PLD5: variants seen among roughly 807,000 people sequenced by gnomAD.
The protein encoded by PLD5 is phospholipase D family member 5.
PLD5 carries 36 observed loss-of-function variants against 61.1 expected under a neutral mutation model. That is an observed-to-expected ratio of 0.59 (90% CI 0.45 to 0.78). The LOEUF is 0.78. PLD5 is among the 30% of genes least tolerant of loss of function. The pLI, the probability that PLD5 is intolerant of heterozygous loss-of-function variation, is 0.00. For synonymous variants in PLD5, 243 were observed against 242.8 expected (o/e 1.00, Z -0.01); for missense variants, 515 against 644.4 (o/e 0.80, Z 2.17).
At chr1:242,405,357 C>T (rs776312866) in intron 1 of PLD5, among the ~76,000 whole-genome samples, 10 of 152,212 alleles carry the variant, frequency 6.6e-5, no homozygotes, top group Non-Finnish European at 1.2e-4. Flanking sequence ...TAACAACTGT[C>T]GGAGGTAGCG....
At chr1:242,322,158 C>T (rs1412757016) in intron 2 of PLD5, among the ~76,000 whole-genome samples, 2 of 152,148 alleles carry the variant, frequency 1.3e-5, no homozygotes, top group African/African-American at 4.8e-5. Flanking sequence ...AGAGCCGGGG[C>T]TTCACAGCTT....
chr1:242,365,795 G>A (rs573321254), intron 1 of PLD5: 3 of 184,858 alleles, frequency 1.6e-5, no homozygotes, highest in South Asian at 2.3e-4. Context: ...TATATCAAGC[G>A]CACCATGGGC....
intron 1 of PLD5, among the ~76,000 whole-genome samples, chr1:242,416,864 G>A (rs1216602162): frequency 6.6e-6 from 1 of 152,174 alleles, no homozygotes; most frequent in African/African-American, 2.4e-5. Flanking sequence ...CAACTCTGAT[G>A]CCAATGCAGC....
intron 1 of PLD5, among the ~76,000 whole-genome samples, chr1:242,490,749 C>T (rs1668122117): frequency 6.6e-6 from 1 of 152,140 alleles, no homozygotes; most frequent in Non-Finnish European, 1.5e-5. Context: ...CTCTTTAATA[C>T]TGTGTAGAGA....
intron 1 of PLD5, among the ~76,000 whole-genome samples, chr1:242,394,916 G>GAATA (rs200953886): frequency 1.5e-5 from 1 of 67,482 alleles, no homozygotes. Flanking sequence ...GAATATATAT[G>GAATA]TATATATGTA....
At chr1:242,254,639 C>T (rs1672915848) in intron 4 of PLD5, among the ~76,000 whole-genome samples, 1 of 152,102 alleles carries the variant, frequency 6.6e-6, no homozygotes, top group Admixed American at 6.5e-5. Flanking sequence ...CATTGCCCTC[C>T]AGCCTGGGCA....
intron 2 of PLD5, among the ~76,000 whole-genome samples, chr1:242,326,259 G>A (rs1156776839): frequency 1.3e-5 from 2 of 152,020 alleles, no homozygotes; most frequent in East Asian, 3.9e-4. Flanking sequence ...GGCTTTGACT[G>A]GTTTCTGAAA....
At chr1:242,141,392 C>A (rs934622) in intron 5 of PLD5, among the ~76,000 whole-genome samples, 53,926 of 145,132 alleles carry the variant, frequency 0.37, 9,847 homozygotes, top group African/African-American at 0.42. Flanking sequence ...CTCCTTGTCC[C>A]TGGTTCTCCA....
At chr1:242,448,256 T>A (rs114737043) in intron 1 of PLD5, among the ~76,000 whole-genome samples, 1 of 152,214 alleles carries the variant, frequency 6.6e-6, no homozygotes, top group African/African-American at 2.4e-5. Flanking sequence ...GGGAATGAGA[T>A]GAATGATTCT....
intron 5 of PLD5, among the ~76,000 whole-genome samples, chr1:242,136,096 C>T (rs6693383): frequency 0.025 from 3,801 of 152,306 alleles, 164 homozygotes; most frequent in African/African-American, 0.087. Context: ...AGATTTGCAG[C>T]TGTGACTCCT....
intron 7 of PLD5, among the ~76,000 whole-genome samples, chr1:242,110,288 C>T (rs908903416): frequency 1.3e-5 from 2 of 151,736 alleles, no homozygotes; most frequent in Admixed American, 6.6e-5. Flanking sequence ...AAGGCTTGGT[C>T]CTTAAGACAG....
rs1180361215 is a variant in PLD5, at chr1:242,088,943, T to C, written c.*911A>G. ...CACTGACGCATAGAGATTTTTTCCT[T>C]TATAATACCATAAACTGAACAAAAA... On this transcript the variant is annotated 3_prime_UTR_variant, in exon 10 of 10. Coordinates refer to ENST00000536534, the MANE Select transcript of PLD5 (RefSeq NM_001372062.1). 1 of 175,306 alleles carries C rather than the reference T, an allele frequency of 5.7e-6. No individual in the cohort carries two copies. Among genetic ancestry groups the C allele is most frequent in the African/African-American group, 2.3e-5 (1 of 42,620 alleles). The allele number at this position is 175,306 out of a possible 1,614,324, so 10.9% of individuals were successfully genotyped here. A position where few individuals can be genotyped will look rare whatever the true frequency, so the allele number is the denominator to read the frequency against.
chr1:242,166,774 T>C (rs1456473870), intron 5 of PLD5, among the ~76,000 whole-genome samples: 1 of 152,138 alleles, frequency 6.6e-6, no homozygotes, highest in Non-Finnish European at 1.5e-5. Context: ...ACTGACCAAA[T>C]AGATGCTGAC....
rs557061848 is a variant in PLD5, at chr1:242,273,221, C to T, written c.496-7773G>A. Among the ~76,000 whole-genome samples, 73 of 151,884 alleles carry T rather than the reference C, an allele frequency of 4.8e-4. 1 individual carries two copies. The East Asian group carries it at 0.014, about 29-fold the overall frequency. Reference sequence around the variant, plus strand: ...GTTAGTTTGCTGAGAATGATGGCTTCTAGCTTCATCCATGTCCCTGCAAAG... The same window carrying T: ...GTTAGTTTGCTGAGAATGATGGCTTTTAGCTTCATCCATGTCCCTGCAAAG... On this transcript the variant is annotated intron_variant, in intron 3 of 9. Coordinates refer to ENST00000536534, the MANE Select transcript of PLD5 (RefSeq NM_001372062.1).
chr1:242,256,908 CATCTATCTATCT>C lies in PLD5; in HGVS notation c.607+8417_607+8428del, dbSNP rs71176734. Among the ~76,000 whole-genome samples, 12,168 of 149,690 alleles carry C rather than the reference CATCTATCTATCT, an allele frequency of 0.081. 526 individuals carry two copies. Among genetic ancestry groups the C allele is most frequent in the African/African-American group, 0.091 (3,697 of 40,636 alleles). ...TCCCTCTTCTTTCTCTTTCTTTTTT[CATCTATCTATCT>C]ATCTATCTATCTAATCTATCTCTAC... On this transcript the variant is annotated intron_variant, in intron 4 of 9. Coordinates refer to ENST00000536534, the MANE Select transcript of PLD5 (RefSeq NM_001372062.1). This position sits in a 1 kb window ranked among gnomAD's most constrained non-coding sequence, Gnocchi z 5.7.
intron 1 of PLD5, among the ~76,000 whole-genome samples, chr1:242,520,941 C>A (rs1470806857): frequency 6.6e-6 from 1 of 152,198 alleles, no homozygotes; most frequent in Non-Finnish European, 1.5e-5. Context: ...ACAGAACTTC[C>A]ACTGTTTCCC....
intron 2 of PLD5, among the ~76,000 whole-genome samples, chr1:242,322,679 G>C (rs1389481507): frequency 5.3e-5 from 8 of 152,120 alleles, no homozygotes; most frequent in Non-Finnish European, 1.2e-4. Flanking sequence ...AGATCTGATA[G>C]TTTAAAAGTG....
intron 1 of PLD5, among the ~76,000 whole-genome samples, chr1:242,493,944 A>G (rs996387822): frequency 1.3e-5 from 2 of 152,250 alleles, no homozygotes; most frequent in African/African-American, 2.4e-5. Context: ...ATGAGTTCTA[A>G]CCTAAAATAT....
chr1:242,474,643 G>C (rs974284188), intron 1 of PLD5, among the ~76,000 whole-genome samples: 1 of 152,172 alleles, frequency 6.6e-6, no homozygotes, highest in East Asian at 1.9e-4. Flanking sequence ...AAACCCTCTA[G>C]TAAAAGCATG....
Sources: allele counts gnomAD v4.1 joint callset (sites outside exome capture counted in the v4.1 genomes callset), GRCh38; gene constraint gnomAD v4.1.1; non-coding constraint Gnocchi (gnomAD v3.1); transcripts MANE v1.5; gene names NCBI Gene and HGNC (gene_info 2026-07-23, HGNC 2026-07-21).